Variants in IPCEF1 observed in about 807,000 individuals in gnomAD.
IPCEF1 encodes the protein interactor protein for cytohesin exchange factors 1.
A neutral mutation model predicts 50.9 loss-of-function variants in IPCEF1; 31 were observed. That is an observed-to-expected ratio of 0.61 (90% CI 0.46 to 0.82). IPCEF1 has a LOEUF of 0.82. IPCEF1 is among the 40% of genes least tolerant of loss of function. IPCEF1 has a pLI of 0.00. For synonymous variants in IPCEF1, 181 were observed against 192.0 expected, an observed-to-expected ratio of 0.94 and a Z score of 0.47; for missense variants, 458 against 514.0, an observed-to-expected ratio of 0.89 and a Z score of 1.05.
At chr6:154,345,423 T>A (rs1784008268) in intron 1 of IPCEF1, among the ~76,000 whole-genome samples, 1 of 152,172 alleles carries the variant, frequency 6.6e-6, no homozygotes, top group Admixed American at 6.6e-5. Flanking sequence ...ATTGACAAGC[T>A]TAAAATCACA....
chr6:154,282,474 A>T (rs1046684433), intron 2 of IPCEF1, among the ~76,000 whole-genome samples: 1 of 152,136 alleles, frequency 6.6e-6, no homozygotes, highest in African/African-American at 2.4e-5. Flanking sequence ...CGAGGTCAGG[A>T]GATCGAGACC....
chr6:154,289,389 C>G (rs902705746), intron 2 of IPCEF1, among the ~76,000 whole-genome samples: 1 of 143,382 alleles, frequency 7.0e-6, no homozygotes, highest in Non-Finnish European at 1.5e-5. Context: ...GTAAAATAGA[C>G]TCTTCACATA....
chr6:154,242,533 A>G (rs1780679043), intron 5 of IPCEF1, among the ~76,000 whole-genome samples: 1 of 152,170 alleles, frequency 6.6e-6, no homozygotes, highest in Non-Finnish European at 1.5e-5. Flanking sequence ...GAAATGATCA[A>G]TTATGGAAAA....
intron 1 of IPCEF1, among the ~76,000 whole-genome samples, chr6:154,307,418 G>A (rs1392247300): frequency 6.6e-6 from 1 of 152,180 alleles, no homozygotes; most frequent in Non-Finnish European, 1.5e-5. Context: ...ACATGCAACT[G>A]TGAGTTCTCC....
intron 9 of IPCEF1, among the ~76,000 whole-genome samples, chr6:154,202,266 G>C (rs772553073): frequency 4.6e-5 from 7 of 151,998 alleles, no homozygotes; most frequent in Non-Finnish European, 8.8e-5. Context: ...AATCCATTCA[G>C]GAATATGTCA....
chr6:154,228,300 TG>T (rs1480807853), intron 5 of IPCEF1, among the ~76,000 whole-genome samples: 3 of 97,744 alleles, frequency 3.1e-5, no homozygotes, highest in African/African-American at 1.3e-4. Context: ...ACCTTGTCTC[TG>T]TTTAAAAAAA....
In IPCEF1 at chr6:154,334,420, T is replaced by C. The variant is rs191482375; in HGVS notation, c.-62+22252A>G. 4.4e-3 allele frequency among the ~76,000 whole-genome samples: 665 copies of C among 152,326 alleles called. 8 individuals carry two copies. Among genetic ancestry groups the C allele is most frequent in the Admixed American group, 0.02 (313 of 15,288 alleles). On this transcript the variant is annotated intron_variant, in intron 1 of 11. Transcript: ENST00000367220. The stretch of plus-strand genomic sequence containing the variant: ...GTCAAAATTTCTTCTAGCTAAAGTA[T>C]GTTTGGTATCTATGACTCTATAAAG...
chr6:154,224,407 T>C (rs777065249), intron 5 of IPCEF1, among the ~76,000 whole-genome samples: 1 of 152,124 alleles, frequency 6.6e-6, no homozygotes, highest in Non-Finnish European at 1.5e-5. Flanking sequence ...GCCTTCCTCT[T>C]ATAAGATTCA....
At chr6:154,240,555 C>T (rs916728201) in intron 5 of IPCEF1, among the ~76,000 whole-genome samples, 1 of 151,016 alleles carries the variant, frequency 6.6e-6, no homozygotes, top group South Asian at 2.1e-4. Flanking sequence ...TTTACTGAAA[C>T]TTGCAGAATA....
At chr6:154,187,398 A>G (rs748984964) in intron 10 of IPCEF1, among the ~76,000 whole-genome samples, 2 of 152,050 alleles carry the variant, frequency 1.3e-5, no homozygotes, top group South Asian at 2.1e-4. Flanking sequence ...AGGGCTGTTT[A>G]TTTTGGCTTT....
At chr6:154,192,160 A>G (rs183340445) in intron 10 of IPCEF1, among the ~76,000 whole-genome samples, 3 of 152,310 alleles carry the variant, frequency 2.0e-5, no homozygotes, top group East Asian at 1.9e-4. Flanking sequence ...ATGTATGCCT[A>G]TCTTCAACTT....
At chr6:154,329,251 A>T (rs1318133118) in intron 1 of IPCEF1, among the ~76,000 whole-genome samples, 1 of 150,752 alleles carries the variant, frequency 6.6e-6, no homozygotes, top group African/African-American at 2.4e-5. Flanking sequence ...GTCTCTAAGA[A>T]TTTTTTTTTT....
intron 5 of IPCEF1, among the ~76,000 whole-genome samples, chr6:154,226,953 T>C (rs1200986358): frequency 6.6e-6 from 1 of 152,162 alleles, no homozygotes; most frequent in Non-Finnish European, 1.5e-5. Context: ...TCCCAGCACT[T>C]TGGGAGGCCA....
chr6:154,258,500 G>A (rs1350272712), intron 3 of IPCEF1, among the ~76,000 whole-genome samples: 1 of 152,162 alleles, frequency 6.6e-6, no homozygotes, highest in African/African-American at 2.4e-5. Flanking sequence ...GGGATACCAT[G>A]GTACACACAC....
intron 10 of IPCEF1, among the ~76,000 whole-genome samples, chr6:154,191,739 C>A (rs1801908508): frequency 6.6e-6 from 1 of 151,986 alleles, no homozygotes; most frequent in Non-Finnish European, 1.5e-5. Flanking sequence ...AAACCATAGA[C>A]TTTAGTTAAT....
intron 10 of IPCEF1, among the ~76,000 whole-genome samples, chr6:154,190,468 C>T (rs1801771050): frequency 6.6e-6 from 1 of 152,074 alleles, no homozygotes; most frequent in African/African-American, 2.4e-5. Flanking sequence ...ATGTTACTAC[C>T]CACCTACTAG....
chr6:154,241,690 T>C (rs1780607022), intron 5 of IPCEF1, among the ~76,000 whole-genome samples: 1 of 152,196 alleles, frequency 6.6e-6, no homozygotes, highest in Admixed American at 6.6e-5. Context: ...CTGCATTTTC[T>C]CACCATCTCC....
intron 11 of IPCEF1, 30 bp from the exon 12 acceptor site, chr6:154,160,070 G>T (rs1311440545): frequency 1.3e-6 from 2 of 1,533,872 alleles, no homozygotes; most frequent in Non-Finnish European, 1.8e-6. Flanking sequence ...GGGGAAGGGG[G>T]TATGTTGAGA....
At chr6:154,228,067 T>C (rs1779406996) in intron 5 of IPCEF1, among the ~76,000 whole-genome samples, 2 of 152,132 alleles carry the variant, frequency 1.3e-5, no homozygotes, top group African/African-American at 4.8e-5. Flanking sequence ...TCCTCCTCCT[T>C]TTCCTCCTCC....
Sources: allele counts gnomAD v4.1 joint callset (sites outside exome capture counted in the v4.1 genomes callset), GRCh38; gene constraint gnomAD v4.1.1; transcripts MANE v1.5; gene names NCBI Gene and HGNC (gene_info 2026-07-23, HGNC 2026-07-21).